JMJD1C: variants seen among roughly 807,000 people sequenced by gnomAD.
JMJD1C encodes jumonji domain-containing protein 1C.
JMJD1C carries 31 observed loss-of-function variants against 245.3 expected under a neutral mutation model. The ratio of observed to expected loss-of-function variants is 0.13; its 90% CI spans 0.09 to 0.17. JMJD1C has a LOEUF of 0.17. Ranked by LOEUF, JMJD1C falls within the 10% of genes least tolerant of loss-of-function variation. The pLI is 1.00. For synonymous variants in JMJD1C, 1,057 were observed against 1,017.4 expected (o/e 1.04, Z -0.74); for missense variants, 2,691 against 3,000.2 (o/e 0.90, Z 2.41).
chr10:63,468,153 G>C (rs1953374996), upstream of JMJD1C, among the ~76,000 whole-genome samples: 1 of 152,066 alleles, frequency 6.6e-6, no homozygotes. Flanking sequence ...TAGAAACAAA[G>C]TTTTTCAGGA....
At chr10:63,272,965 A>T (rs529435666) in intron 2 of JMJD1C, among the ~76,000 whole-genome samples, 2 of 152,346 alleles carry the variant, frequency 1.3e-5, no homozygotes, top group African/African-American at 4.8e-5. Context: ...AAAGTCATAC[A>T]TTCTTAGTAA....
At chr10:63,498,091 C>T (rs1954418123) in intron 1 of JMJD1C, among the ~76,000 whole-genome samples, 3 of 152,048 alleles carry the variant, frequency 2.0e-5, no homozygotes, top group African/African-American at 4.8e-5. Context: ...CGAGCATATA[C>T]TACAGCAATG....
intron 1 of JMJD1C, among the ~76,000 whole-genome samples, chr10:63,434,547 T>G (rs1950957627): frequency 6.6e-6 from 1 of 151,898 alleles, no homozygotes; most frequent in East Asian, 1.9e-4. Context: ...AGAGGAAGAT[T>G]TCCAGAGGAG....
At chr10:63,330,039 T>C (rs551138323) in intron 2 of JMJD1C, among the ~76,000 whole-genome samples, 273 of 152,340 alleles carry the variant, frequency 1.8e-3, no homozygotes, top group African/African-American at 6.4e-3. Context: ...TAGCTGGGAC[T>C]ACAGGCATGC....
chr10:63,265,670 AAC>A (rs1855475138), intron 2 of JMJD1C, among the ~76,000 whole-genome samples: 3 of 152,200 alleles, frequency 2.0e-5, no homozygotes, highest in Admixed American at 6.5e-5. Context: ...CCATTTTAAA[AAC>A]ACAGCTGCTT....
At chr10:63,253,387 C>CT (rs199689399) in intron 3 of JMJD1C, among the ~76,000 whole-genome samples, 8,620 of 143,974 alleles carry the variant, frequency 0.06, 439 homozygotes, top group East Asian at 0.29. Flanking sequence ...TATATTACAC[C>CT]TTTTTTTTTT....
intron 2 of JMJD1C, among the ~76,000 whole-genome samples, chr10:63,298,005 G>A (rs1027560619): frequency 6.6e-6 from 1 of 152,150 alleles, no homozygotes; most frequent in Non-Finnish European, 1.5e-5. Flanking sequence ...CCATCCACAC[G>A]CGGGTGCTGC....
At chr10:63,184,897 C>T (rs982397362) in intron 20 of JMJD1C, among the ~76,000 whole-genome samples, 159 bp from the exon 21 acceptor site, 1 of 152,192 alleles carries the variant, frequency 6.6e-6, no homozygotes, top group African/African-American at 2.4e-5. Context: ...AATAGCAATT[C>T]TGCTTCTCTA....
At chr10:63,320,948 G>A (rs1442610831) in intron 2 of JMJD1C, among the ~76,000 whole-genome samples, 1 of 152,132 alleles carries the variant, frequency 6.6e-6, no homozygotes, top group African/African-American at 2.4e-5. Context: ...AGACCTCCAG[G>A]GAGAGGAGAG....
chr10:63,291,879 G>A (rs1379886140), intron 2 of JMJD1C, among the ~76,000 whole-genome samples: 2 of 152,066 alleles, frequency 1.3e-5, no homozygotes, highest in Non-Finnish European at 2.9e-5. Context: ...TTGGGTGGGG[G>A]AGGTTGACTG....
chr10:63,412,073 T>C (rs1042336921), intron 1 of JMJD1C, among the ~76,000 whole-genome samples: 2 of 152,028 alleles, frequency 1.3e-5, no homozygotes, highest in Non-Finnish European at 1.5e-5. Context: ...AAATGTGTTT[T>C]TTAAAAACAT....
intron 3 of JMJD1C, among the ~76,000 whole-genome samples, chr10:63,244,361 G>A (rs1851897070): frequency 6.6e-6 from 1 of 152,154 alleles, no homozygotes; most frequent in South Asian, 2.1e-4. Context: ...ATGTCATTTA[G>A]TGCCGAAAAG....
chr10:63,293,859 T>C (rs1392472565), intron 2 of JMJD1C, among the ~76,000 whole-genome samples: 1 of 152,330 alleles, frequency 6.6e-6, no homozygotes. Context: ...GGCTCAAGAT[T>C]AAGCCAATCA....
chr10:63,227,501 A>T (rs1409795361), intron 3 of JMJD1C, among the ~76,000 whole-genome samples: 5 of 152,208 alleles, frequency 3.3e-5, no homozygotes, highest in Non-Finnish European at 5.9e-5. Context: ...AAATATCACA[A>T]AACTGCAGCA....
intron 1 of JMJD1C, among the ~76,000 whole-genome samples, chr10:63,407,820 C>CA (rs35231206): frequency 0.019 from 2,402 of 124,486 alleles, 27 homozygotes; most frequent in African/African-American, 0.035. Context: ...GAGAAACAAA[C>CA]AAAAAAAAAA....
At chr10:63,181,237 T>G (rs948965424) in intron 22 of JMJD1C, among the ~76,000 whole-genome samples, 1 of 152,218 alleles carries the variant, frequency 6.6e-6, no homozygotes, top group African/African-American at 2.4e-5. Context: ...ATCTGTTTTC[T>G]TAACAAAATT....
chr10:63,348,160 C>T (rs545413238), intron 2 of JMJD1C, among the ~76,000 whole-genome samples: 1 of 148,984 alleles, frequency 6.7e-6, no homozygotes, highest in African/African-American at 2.5e-5. Flanking sequence ...GAGCTGGGAT[C>T]GCGCCATTGT....
chr10:63,265,901 A>G lies in JMJD1C; in HGVS notation c.334-1137T>C, dbSNP rs78261911. On this transcript the variant is annotated intron_variant, in intron 2 of 25. Transcript: ENST00000399262. Reference sequence around the variant, plus strand: ...CCCCTTTCTCTTATTCTGTCTTAAAAAATATATAACATTTTGTTAATAACA... The same window carrying G: ...CCCCTTTCTCTTATTCTGTCTTAAAGAATATATAACATTTTGTTAATAACA... 8.4e-3 allele frequency among the ~76,000 whole-genome samples: 1,279 copies of G among 152,216 alleles called. 47 individuals are homozygous for G. Among genetic ancestry groups the G allele is most frequent in the East Asian group, 0.036 (189 of 5,190 alleles).
intron 1 of JMJD1C, among the ~76,000 whole-genome samples, chr10:63,394,478 G>C (rs1948321893): frequency 6.6e-6 from 1 of 152,134 alleles, no homozygotes; most frequent in Non-Finnish European, 1.5e-5. Context: ...CTTTGTCCAA[G>C]AAAATATAAT....
Sources: gnomAD v4.1 joint callset for allele counts (sites outside exome capture counted in the v4.1 genomes callset) on GRCh38, gnomAD v4.1.1 for gene constraint, MANE v1.5 for transcripts, NCBI Gene and HGNC (gene_info 2026-07-23, HGNC 2026-07-21) for gene names.